The following BRWD1 variants were observed in gnomAD, a reference collection of about 807,000 sequenced individuals.
BRWD1 encodes the protein bromodomain and WD repeat-containing protein 1.
Under a neutral mutation model 251.2 loss-of-function variants are expected in BRWD1, and 82 were observed. The ratio of observed to expected loss-of-function variants is 0.33; its 90% confidence interval spans 0.27 to 0.39. The LOEUF (loss-of-function observed/expected upper bound fraction) is 0.39, where lower values mean the gene tolerates loss of function less well. Among genes scored for constraint, BRWD1 ranks in the 10% least tolerant of loss-of-function variants. The probability of loss-of-function intolerance (pLI) is 1.00; values close to 1 mark genes in which losing one functional copy is unlikely to be tolerated. For missense variants in BRWD1, 2,233 were observed against 2,711.6 expected (o/e 0.82, Z 3.92); for synonymous variants, 918 against 902.8 (o/e 1.02, Z -0.30).
chr21:39,227,871 C>T (rs769033258), intron 27 of BRWD1, among the ~76,000 whole-genome samples: 5 of 152,006 alleles, frequency 3.3e-5, no homozygotes, highest in African/African-American at 1.2e-4. Flanking sequence ...TAATTATATA[C>T]AATATAGTAC....
rs757147677 is a variant in BRWD1 at position 39,295,713 on chromosome 21, CATCAA to C, written c.609+25_609+29del. The C allele has an allele frequency of 7.7e-5, 116 of 1,513,338 alleles. No homozygotes were observed. The South Asian group carries it at 1.4e-3, about 19-fold the overall frequency. 93.7% of individuals were successfully genotyped at this position (1,513,338 alleles called of 1,614,324 possible). A position where few individuals can be genotyped will look rare whatever the true frequency, so the allele number is the denominator to read the frequency against. On this transcript the variant is annotated intron_variant, in intron 7 of 40. Transcript: ENST00000342449. ...AAGCACACTAAAGTACTCTAGATGA[CATCAA>C]ATCAAGTTTAAAATTTTTACTCACT... is the stretch of plus-strand genomic sequence containing the variant.
rs1332952904 is a variant in BRWD1 at position 39,215,377 on chromosome 21, A to G, written c.3660-15T>C. 3 of 1,609,690 alleles carry G rather than the reference A, an allele frequency of 1.9e-6. No individual in the cohort carries two copies. Among genetic ancestry groups the G allele is most frequent in the Admixed American group, 1.7e-5 (1 of 59,512 alleles). On this transcript the variant is annotated splice_polypyrimidine_tract_variant and intron_variant, in intron 31 of 40. Transcript: ENST00000342449. ...CAGACAGCCTCCTTCAAAATAAAGT[A>G]GACAATTTAGGGCTTAGAAAATGAG...
At chr21:39,310,611 A>AG (rs1381089045) in intron 4 of BRWD1, among the ~76,000 whole-genome samples, 1 of 151,846 alleles carries the variant, frequency 6.6e-6, no homozygotes, top group Admixed American at 6.6e-5. Flanking sequence ...CTCAAAAAAA[A>AG]AAATTATTAT....
Position 39,212,647 on chromosome 21 carries a change from A to G in BRWD1, c.3900+19T>C. 1.3e-6 allele frequency: 2 copies of G among 1,533,142 alleles called. No homozygotes were observed. Among genetic ancestry groups the G allele is most frequent in the Middle Eastern group, 1.7e-4 (1 of 5,888 alleles). 95.0% of individuals were successfully genotyped at this position (1,533,142 alleles called of 1,614,324 possible). A position where few individuals can be genotyped will look rare whatever the true frequency, so the allele number is the denominator to read the frequency against. ...AAAGAAAAAGAAACTACAAAAGTCA[A>G]CCATGCAGAGTAACTTACTCTCCTC... is the stretch of plus-strand genomic sequence containing the variant. On this transcript the variant is annotated intron_variant, in intron 34 of 40. Coordinates refer to ENST00000342449, the MANE Select transcript of BRWD1 (RefSeq NM_033656.4).
chr21:39,274,969 G>A lies in BRWD1; in HGVS notation c.1146-497C>T, dbSNP rs2178838. Reference sequence around the variant, plus strand: ...ACAGGAGAATCGCTTGAACCCAGGAGGGGGAGGTTGCAGTGCAGTGAGCCG... The same window carrying A: ...ACAGGAGAATCGCTTGAACCCAGGAAGGGGAGGTTGCAGTGCAGTGAGCCG... On this transcript the variant is annotated intron_variant, in intron 12 of 40. Transcript: ENST00000342449. Among the ~76,000 whole-genome samples, 708 of 152,130 alleles carry A rather than the reference G, an allele frequency of 4.7e-3. 11 individuals carry two copies. Among genetic ancestry groups the A allele is most frequent in the African/African-American group, 0.017 (689 of 41,490 alleles).
At chr21:39,279,049 T>G (rs2035367411) in intron 9 of BRWD1, among the ~76,000 whole-genome samples, 1 of 152,200 alleles carries the variant, frequency 6.6e-6, no homozygotes, top group Non-Finnish European at 1.5e-5. Flanking sequence ...ATTTCTATAA[T>G]ACCTTATTGT....
chr21:39,313,078 C>T lies in BRWD1; in HGVS notation c.132G>A (p.Gln44=), dbSNP rs1340282833. 2 of 1,483,432 alleles carry T rather than the reference C, an allele frequency of 1.3e-6. No homozygotes were observed. Among genetic ancestry groups the T allele is most frequent in the Non-Finnish European group, 1.8e-6 (2 of 1,119,232 alleles). The allele number at this position is 1,483,432 out of a possible 1,614,324, so 91.9% of individuals were successfully genotyped here. A position where few individuals can be genotyped will look rare whatever the true frequency, so the allele number is the denominator to read the frequency against. Reference sequence around the variant, plus strand: ...GGGACGGGCGCGCACAGACCTGGTACTGCTCCAGCTCCTGCACCAGCACCT... The same window carrying T: ...GGGACGGGCGCGCACAGACCTGGTATTGCTCCAGCTCCTGCACCAGCACCT... ...AAQVLVQELE[Q]YQLLPKRLDW... The change falls in exon 3 of 41, where the codon CAG becomes CAA. Residue 44 remains glutamine, a synonymous_variant. Coordinates refer to ENST00000342449, the MANE Select transcript of BRWD1 (RefSeq NM_033656.4).
intron 17 of BRWD1, 107 bp downstream of exon 17, chr21:39,264,353 C>CA (rs1568929513): frequency 1.4e-6 from 1 of 719,964 alleles, no homozygotes; most frequent in Non-Finnish European, 2.1e-6. Context: ...ACAAATATTG[C>CA]AAAATATTAA....
rs761729406 is a variant in BRWD1 at position 39,199,528 on chromosome 21, T to G, written c.4888A>C (p.Arg1630=). ...ARAGNNRKVL[R]KCAAVAANKI... ...TTGGCAGCCACAGCAGCACACTTCC[T>G]TAAGACTTTTCGGTTATTTCCAGCT... The change falls in exon 40 of 41, where the codon AGG becomes CGG. Residue 1630 remains arginine, a synonymous_variant. Coordinates refer to ENST00000342449, the MANE Select transcript of BRWD1 (RefSeq NM_033656.4). The G allele has an allele frequency of 6.2e-7, 1 of 1,614,214 alleles. No homozygotes were observed. The highest frequency in any genetic ancestry group is 8.5e-7 in the Non-Finnish European group (1 of 1,180,034).
At chr21:39,263,822 T>C (rs1051422456) in intron 17 of BRWD1, among the ~76,000 whole-genome samples, 2 of 152,190 alleles carry the variant, frequency 1.3e-5, no homozygotes, top group African/African-American at 4.8e-5. Flanking sequence ...ACTAAGTTTA[T>C]AGTGTTCAAA....
intron 1 of BRWD1, among the ~76,000 whole-genome samples, chr21:39,320,627 C>A (rs1340002163): frequency 6.6e-6 from 1 of 151,838 alleles, no homozygotes; most frequent in East Asian, 1.9e-4. Flanking sequence ...ACTACCATAC[C>A]CAAGCCGTTA....
chr21:39,210,222 A>C, intron 35 of BRWD1, 75 bp from the exon 36 acceptor site: 7 of 1,243,072 alleles, frequency 5.6e-6, no homozygotes, highest in Non-Finnish European at 7.9e-6. Flanking sequence ...CAGATCTCTA[A>C]AAAATGTGAA....
At chr21:39,276,441 G>GA (rs1380842953) in intron 11 of BRWD1, among the ~76,000 whole-genome samples, 2 of 151,796 alleles carry the variant, frequency 1.3e-5, no homozygotes, top group African/African-American at 4.8e-5. Flanking sequence ...CATCTAACAG[G>GA]AAAAAAAGCC....
At chr21:39,317,302 G>A (rs1329087299), upstream of BRWD1, 1 of 152,228 alleles carries the variant, frequency 6.6e-6, no homozygotes, top group African/African-American at 2.4e-5. Flanking sequence ...AATAACTTTA[G>A]AGTTTCACCA....
chr21:39,289,084 T>C (rs2035728722), intron 8 of BRWD1, among the ~76,000 whole-genome samples: 1 of 152,258 alleles, frequency 6.6e-6, no homozygotes, highest in Non-Finnish European at 1.5e-5. Context: ...GACCATTTAA[T>C]GTACTTGCAA....
intron 13 of BRWD1, among the ~76,000 whole-genome samples, chr21:39,271,286 C>A (rs1380090409): frequency 6.6e-6 from 1 of 151,916 alleles, no homozygotes; most frequent in Non-Finnish European, 1.5e-5. Context: ...AGCAAGACTA[C>A]GTTCTCAAAA....
chr21:39,205,589 C>T (rs1220172385), intron 37 of BRWD1, among the ~76,000 whole-genome samples: 3 of 151,538 alleles, frequency 2.0e-5, no homozygotes, highest in Admixed American at 1.3e-4. Context: ...CTGGGCAACA[C>T]GGTGAAACCC....
At chr21:39,225,050 T>G (rs779165556) in intron 28 of BRWD1, 36 bp downstream of exon 28, 10 of 1,382,046 alleles carry the variant, frequency 7.2e-6, no homozygotes, top group Non-Finnish European at 1.0e-5. Context: ...CACACTGAAT[T>G]ACTGGGAAAT....
intron 1 of BRWD1, among the ~76,000 whole-genome samples, chr21:39,320,667 C>CT (rs35218849): frequency 0.011 from 1,048 of 99,158 alleles, 16 homozygotes; most frequent in African/African-American, 0.02. Context: ...AGAGTCATAT[C>CT]TTTTTTTTTT....
Sources: gnomAD v4.1 joint callset for allele counts (sites outside exome capture counted in the v4.1 genomes callset) on GRCh38, gnomAD v4.1.1 for gene constraint, MANE v1.5 for transcripts, NCBI Gene and HGNC (gene_info 2026-07-23, HGNC 2026-07-21) for gene names.